RANBP2: variants seen among roughly 807,000 people sequenced by gnomAD.
The protein encoded by RANBP2 is E3 SUMO-protein ligase RanBP2.
Under a neutral mutation model 303.6 loss-of-function variants are expected in RANBP2, and 57 were observed. That is an observed-to-expected ratio of 0.19 (90% CI 0.15 to 0.23). The LOEUF (loss-of-function observed/expected upper bound fraction) is 0.23, where lower values mean the gene tolerates loss of function less well. Among genes scored for constraint, RANBP2 ranks in the 10% least tolerant of loss-of-function variants. RANBP2 has a pLI of 1.00. For synonymous variants in RANBP2, 1,167 were observed against 1,301.5 expected, an observed-to-expected ratio of 0.90 and a Z score of 2.23; for missense variants, 3,138 against 3,780.8, an observed-to-expected ratio of 0.83 and a Z score of 4.46.
the RANBP2 span, among the ~76,000 whole-genome samples, chr2:109,278,587 C>T: frequency 3.8e-4 from 58 of 152,184 alleles, no homozygotes; most frequent in African/African-American, 1.2e-3. Flanking sequence ...CAGGAGTCAG[C>T]GGCATATAGG....
At chr2:108,755,375 G>T (rs566735092) in intron 17 of RANBP2, 116 bp downstream of exon 17, 45 of 1,477,252 alleles carry the variant, frequency 3.0e-5, no homozygotes, top group Admixed American at 1.5e-4. Context: ...AAATAGTATG[G>T]CAAGGGGACA....
At chr2:109,280,555 A>G in the RANBP2 span, among the ~76,000 whole-genome samples, 2 of 152,226 alleles carry the variant, frequency 1.3e-5, no homozygotes. Context: ...TCATTGAAAT[A>G]TGGGGTTTCA....
the RANBP2 span, among the ~76,000 whole-genome samples, chr2:109,047,887 A>G: frequency 6.6e-6 from 1 of 152,220 alleles, no homozygotes; most frequent in Non-Finnish European, 1.5e-5. Flanking sequence ...CAGGGCTAGA[A>G]CTGGATTCCA....
the RANBP2 span, among the ~76,000 whole-genome samples, chr2:109,227,404 GTTC>G: frequency 4.6e-5 from 7 of 152,180 alleles, no homozygotes; most frequent in South Asian, 4.1e-4. Flanking sequence ...GTAACCAGCT[GTTC>G]TTCTTACTAA....
chr2:108,848,532 T>G, the RANBP2 span, among the ~76,000 whole-genome samples: 7 of 152,220 alleles, frequency 4.6e-5, no homozygotes, highest in East Asian at 1.3e-3. Context: ...AAAGAACTTT[T>G]ATTCTTCCTG....
At chr2:109,397,414 C>T in the RANBP2 span, among the ~76,000 whole-genome samples, 1,105 of 152,286 alleles carry the variant, frequency 7.3e-3, 13 homozygotes, top group East Asian at 0.051. Context: ...ATTCTAGTAT[C>T]ATAGTTTCTT....
At chr2:108,975,881 C>CAG in the RANBP2 span, among the ~76,000 whole-genome samples, 1 of 152,136 alleles carries the variant, frequency 6.6e-6, no homozygotes, top group Non-Finnish European at 1.5e-5. Context: ...GTGGAAAGGG[C>CAG]AGGGCAAAGA....
At chr2:109,208,180 G>A in the RANBP2 span, among the ~76,000 whole-genome samples, 3 of 152,248 alleles carry the variant, frequency 2.0e-5, no homozygotes, top group Non-Finnish European at 4.4e-5. Context: ...CTGCCCTGTG[G>A]CACCTACCTG....
the RANBP2 span, among the ~76,000 whole-genome samples, chr2:108,936,467 C>T: frequency 2.7e-5 from 2 of 75,320 alleles, no homozygotes; most frequent in Admixed American, 9.9e-5. Context: ...GAGGCAGCCA[C>T]AGAGCTGGCT....
Position 108,767,274 on chromosome 2 carries a change from T to C in RANBP2, c.6735T>C (p.Ala2245=). The change falls in exon 20 of 29, where the codon GCT becomes GCC. Residue 2245 remains alanine (A), a synonymous_variant. Transcript: ENST00000283195. The part of the protein sequence containing the change: ...DDSVSSSSVH[A]SPLASSPVRK... ...GTGTCAGTAGTAGCTCAGTACATGC[T>C]TCTCCATTGGCAAGTAGCCCTGTGA... is the stretch of plus-strand genomic sequence containing the variant. 1 of 1,612,086 alleles carries C rather than the reference T, an allele frequency of 6.2e-7. No individual in the cohort carries two copies. Among genetic ancestry groups the C allele is most frequent in the South Asian group, 1.1e-5 (1 of 90,992 alleles).
At chr2:108,782,959 T>C in intron 28 of RANBP2, 97 bp downstream of exon 28, 1 of 1,127,446 alleles carries the variant, frequency 8.9e-7, no homozygotes, top group East Asian at 2.4e-5. Flanking sequence ...ATCCTGTAGT[T>C]TTGTTAAAGA....
the RANBP2 span, among the ~76,000 whole-genome samples, chr2:109,280,587 C>G: frequency 6.6e-6 from 1 of 152,040 alleles, no homozygotes; most frequent in Non-Finnish European, 1.5e-5. Context: ...CTTAAAAACC[C>G]TGTGTAAGTA....
the RANBP2 span, among the ~76,000 whole-genome samples, chr2:109,464,528 G>A: frequency 6.6e-6 from 1 of 152,100 alleles, no homozygotes; most frequent in Non-Finnish European, 1.5e-5. Context: ...ACATAGCCTT[G>A]CATACATACA....
the RANBP2 span, among the ~76,000 whole-genome samples, chr2:109,415,720 C>T: frequency 6.6e-6 from 1 of 152,190 alleles, no homozygotes; most frequent in Non-Finnish European, 1.5e-5. Context: ...ATACTGCCCC[C>T]TTTGCCTCCA....
chr2:109,703,888 A>C, the RANBP2 span, among the ~76,000 whole-genome samples: 2 of 152,258 alleles, frequency 1.3e-5, no homozygotes, highest in Middle Eastern at 3.4e-3. Flanking sequence ...TTACCTGTTG[A>C]TGAGGTCCAC....
the RANBP2 span, among the ~76,000 whole-genome samples, chr2:108,809,448 T>TTGTGTG: frequency 1.6e-3 from 222 of 141,222 alleles, 1 homozygote; most frequent in East Asian, 7.8e-3. Context: ...ACATGAAATG[T>TTGTGTG]TGTGTGTGTG....
At chr2:108,735,876 C>G in intron 5 of RANBP2, 114 bp downstream of exon 5, 1 of 1,573,808 alleles carries the variant, frequency 6.4e-7, no homozygotes, top group Non-Finnish European at 8.6e-7. Flanking sequence ...TTATGTAGAA[C>G]AGTTATAAAA....
chr2:109,141,785 T>A, the RANBP2 span, among the ~76,000 whole-genome samples: 2 of 152,032 alleles, frequency 1.3e-5, no homozygotes, highest in Non-Finnish European at 2.9e-5. Context: ...GGGTACTGGT[T>A]GGAGAAGGAG....
chr2:109,509,733 C>T, the RANBP2 span, among the ~76,000 whole-genome samples: 3 of 151,944 alleles, frequency 2.0e-5, no homozygotes, highest in Admixed American at 6.6e-5. Context: ...ACCAGTCAGG[C>T]CAGATTAGGC....
Sources: allele counts gnomAD v4.1 joint callset (sites outside exome capture counted in the v4.1 genomes callset), GRCh38; gene constraint gnomAD v4.1.1; transcripts MANE v1.5; gene names NCBI Gene and HGNC (gene_info 2026-07-23, HGNC 2026-07-21).